The following NCAPH2 variants were observed in gnomAD, a reference collection of about 807,000 sequenced individuals.
NCAPH2 encodes the protein condensin-2 complex subunit H2.
A neutral mutation model predicts 88.6 loss-of-function variants in NCAPH2; 56 were observed. The ratio of observed to expected loss-of-function variants is 0.63; its 90% CI spans 0.51 to 0.79. The LOEUF is 0.79. NCAPH2 is among the 30% of genes least tolerant of loss of function. The pLI, the probability that NCAPH2 is intolerant of heterozygous loss-of-function variation, is 0.00. For synonymous variants in NCAPH2, 378 were observed against 313.6 expected, an observed-to-expected ratio of 1.21 and a Z score of -2.17; for missense variants, 794 against 792.0, an observed-to-expected ratio of 1.00 and a Z score of -0.03.
chr22:50,512,801 C>T (rs2068820794), intron 1 of NCAPH2, among the ~76,000 whole-genome samples: 1 of 152,150 alleles, frequency 6.6e-6, no homozygotes, highest in Non-Finnish European at 1.5e-5. Flanking sequence ...CTGCCTTGGC[C>T]TCCCAGAGTG....
intron 7 of NCAPH2, 29 bp from the exon 8 acceptor site, chr22:50,518,620 T>C (rs1348586749): frequency 6.3e-7 from 1 of 1,577,074 alleles, no homozygotes; most frequent in Non-Finnish European, 8.6e-7. Context: ...GGGGCTGGGC[T>C]GACCTTGTCT....
Position 50,524,594 on chromosome 22 carries a change from T to G in NCAPH2, c.*1219T>G, listed in dbSNP as rs774130346. The G allele has an allele frequency of 1.4e-6, 1 of 723,920 alleles. No homozygotes were observed. The highest frequency in any genetic ancestry group is 2.7e-5 in the East Asian group (1 of 36,892). 44.8% of individuals were successfully genotyped at this position (723,920 alleles called of 1,614,324 possible). Reference sequence around the variant, plus strand: ...CTCAGAACTCCACCTCCACCAAACATCCACACCTGGGCAACCACACCTGTC... The same window carrying G: ...CTCAGAACTCCACCTCCACCAAACAGCCACACCTGGGCAACCACACCTGTC... On this transcript the variant is annotated 3_prime_UTR_variant, in exon 20 of 20. Transcript: ENST00000420993.
Position 50,524,217 on chromosome 22 carries a change from G to C in NCAPH2, c.*842G>C, listed in dbSNP as rs765629884. The C allele has an allele frequency of 2.7e-5, 44 of 1,608,068 alleles. No individual in the cohort carries two copies. Among genetic ancestry groups the C allele is most frequent in the Non-Finnish European group, 3.7e-5 (44 of 1,179,914 alleles). On this transcript the variant is annotated 3_prime_UTR_variant, in exon 20 of 20. Transcript: ENST00000420993. ...CCCCACCGAGTCCAGCCCCGAACAG[G>C]CCTGTGATCAGCAGCCGGGTTCGAA...
At chr22:50,512,555 TTG>T (rs1491173619) in intron 1 of NCAPH2, among the ~76,000 whole-genome samples, 8 of 137,334 alleles carry the variant, frequency 5.8e-5, no homozygotes, top group Admixed American at 1.5e-4. Flanking sequence ...TTTTTTTTTT[TTG>T]TTTTTTTTTT....
At chr22:50,516,689 C>T in intron 2 of NCAPH2, 141 bp downstream of exon 2, 2 of 670,998 alleles carry the variant, frequency 3.0e-6, no homozygotes, top group Non-Finnish European at 5.2e-6. Context: ...TTCCTCAGCA[C>T]CTTCCAACAC....
At chr22:50,513,464 A>T (rs2068840127) in intron 1 of NCAPH2, among the ~76,000 whole-genome samples, 1 of 152,158 alleles carries the variant, frequency 6.6e-6, no homozygotes, top group African/African-American at 2.4e-5. Context: ...CACGCCTGTG[A>T]TCCCAGCACT....
intron 1 of NCAPH2, among the ~76,000 whole-genome samples, chr22:50,513,188 G>A (rs1487407032): frequency 1.3e-5 from 2 of 152,274 alleles, no homozygotes; most frequent in Admixed American, 1.3e-4. Flanking sequence ...TGGCAGATCA[G>A]AATCCAGCCT....
intron 7 of NCAPH2, 39 bp from the exon 8 acceptor site, chr22:50,518,610 G>GGGGCT (rs1569520708): frequency 6.4e-7 from 1 of 1,559,566 alleles, no homozygotes; most frequent in Admixed American, 1.9e-5. Context: ...ATCTTGGAGA[G>GGGGCT]GGGCTGGGCT....
At position 50,511,587 on chromosome 22, in the gene NCAPH2, G is replaced by C. The variant is rs747324778; in HGVS notation, c.108+3142G>C. On this transcript the variant is annotated intron_variant, in intron 1 of 19. Coordinates refer to ENST00000420993, the MANE Select transcript of NCAPH2 (RefSeq NM_152299.4). The stretch of plus-strand genomic sequence containing the variant: ...ATTACAGGCCTGAGCCACCGCGTCC[G>C]ATCCTGCCTCAGCCTCTTGAGTAGC... Among the ~76,000 whole-genome samples, 4 of 141,734 alleles carry C rather than the reference G, an allele frequency of 2.8e-5. 1 individual carries two copies. Among genetic ancestry groups the C allele is most frequent in the African/African-American group, 9.1e-5 (3 of 33,026 alleles). The allele number at this position is 141,734 out of a possible 152,430, so 93.0% of individuals were successfully genotyped here.
rs974825185 is a variant in NCAPH2 at position 50,521,547 on chromosome 22, C to T, written c.938C>T (p.Thr313Ile). 3 of 1,613,572 alleles carry T rather than the reference C, an allele frequency of 1.9e-6. No individual in the cohort carries two copies. Among genetic ancestry groups the T allele is most frequent in the Non-Finnish European group, 2.5e-6 (3 of 1,180,006 alleles). Residue 313 changes from threonine to isoleucine, a missense_variant, in exon 11 of 20, where the codon ACT (threonine) becomes ATT (isoleucine). This residue lies in a region of NCAPH2 where 735 missense variants were observed against 696.3 expected (regional missense o/e 1.06). Coordinates refer to ENST00000420993, the MANE Select transcript of NCAPH2 (RefSeq NM_152299.4). ...APEPASCVKETPDPWQSLDPF... is the reference protein window; with the variant it reads ...APEPASCVKEIPDPWQSLDPF... ...CTTCTTGTGCTCTGTGCCCAGGAGA[C>T]TCCAGACCCCTGGCAGAGCCTGGAC... is the stretch of plus-strand genomic sequence containing the variant.
At position 50,524,201 on chromosome 22, in the gene NCAPH2, G is replaced by C; in HGVS notation, c.*826G>C. 6.2e-7 allele frequency: 1 copy of C among 1,608,566 alleles called. No individual in the cohort carries two copies. Among genetic ancestry groups the C allele is most frequent in the Non-Finnish European group, 8.5e-7 (1 of 1,179,926 alleles). On this transcript the variant is annotated 3_prime_UTR_variant, in exon 20 of 20. Transcript: ENST00000420993. ...CTCAGGGCCAGCCAGGCCCCACCGA[G>C]TCCAGCCCCGAACAGGCCTGTGATC...
chr22:50,520,821 C>T (rs1196088593), intron 9 of NCAPH2, 144 bp from the exon 10 acceptor site: 1 of 898,630 alleles, frequency 1.1e-6, no homozygotes, highest in African/African-American at 1.7e-5. Context: ...CCTTGGCCTC[C>T]CAAAGTGCTG....
intron 1 of NCAPH2, among the ~76,000 whole-genome samples, chr22:50,510,223 T>C (rs11091003): frequency 0.041 from 6,291 of 151,996 alleles, 434 homozygotes; most frequent in African/African-American, 0.14. Context: ...GCCCGGCCTC[T>C]TTTTTGTTTT....
At position 50,522,744 on chromosome 22, in the gene NCAPH2, G is replaced by A. The variant is rs200623848; in HGVS notation, c.1425+24G>A. 2.9e-3 allele frequency: 4,679 copies of A among 1,598,458 alleles called. 11 individuals carry two copies. Among genetic ancestry groups the A allele is most frequent in the Non-Finnish European group, 3.6e-3 (4,216 of 1,167,408 alleles). The stretch of plus-strand genomic sequence containing the variant: ...TGGTAGGCCTGGGTTAGAGGGAGAC[G>A]GGGAGGGGAGGGGGACAGGTGAGCG... On this transcript the variant is annotated intron_variant, in intron 17 of 19. Coordinates refer to ENST00000420993, the MANE Select transcript of NCAPH2 (RefSeq NM_152299.4).
At position 50,523,476 on chromosome 22, in the gene NCAPH2, T is replaced by A; in HGVS notation, c.*101T>A. 1 of 1,531,472 alleles carries A rather than the reference T, an allele frequency of 6.5e-7. No individual in the cohort carries two copies. The highest frequency in any genetic ancestry group is 2.0e-5 in the Admixed American group (1 of 50,436). The allele number at this position is 1,531,472 out of a possible 1,614,324, so 94.9% of individuals were successfully genotyped here. ...ATAAAGCAGTGTTGCCATCTCATCT[T>A]CCCCCTAAAAACCCTTTTATGTACA... On this transcript the variant is annotated 3_prime_UTR_variant, in exon 20 of 20. Transcript: ENST00000420993.
chr22:50,519,290 G>A lies in NCAPH2; in HGVS notation c.831G>A (p.Leu277=), dbSNP rs1389529692. The A allele has an allele frequency of 3.7e-6, 6 of 1,607,222 alleles. No individual in the cohort carries two copies. The highest frequency in any genetic ancestry group is 5.1e-6 in the Non-Finnish European group (6 of 1,177,554). ...AGGCCTCGGCCCCCAAGGCCGCTCT[G>A]GAGCCCAAGGAGTCCAGGAGCCCGC... ...LPEASAPKAA[L]EPKESRSPQQ... The change falls in exon 9 of 20, where the codon CTG becomes CTA. Residue 277 remains leucine, a synonymous_variant. Transcript: ENST00000420993.
intron 6 of NCAPH2, 22 bp from the exon 7 acceptor site, chr22:50,518,111 A>C: frequency 6.2e-7 from 1 of 1,613,872 alleles, no homozygotes; most frequent in South Asian, 1.1e-5. Context: ...TCTCTACAGC[A>C]GGCGTGTTTT....
Position 50,519,191 on chromosome 22 carries a change from C to A in NCAPH2, c.732C>A (p.Gly244=). Residue 244 remains glycine (G), a splice_region_variant and synonymous_variant, in exon 9 of 20, where the codon GGC becomes GGA. Coordinates refer to ENST00000420993, the MANE Select transcript of NCAPH2 (RefSeq NM_152299.4). ...ATCACTCTCTTGCTCCCTGCCTAGG[C>A]CCCTCTCCAGAAGGCCCGATGCCCC... ...VPALGFSQEP[G]PSPEGPMPLG... The A allele has an allele frequency of 6.2e-7, 1 of 1,607,374 alleles. No homozygotes were observed. Among genetic ancestry groups the A allele is most frequent in the South Asian group, 1.1e-5 (1 of 89,860 alleles).
intron 9 of NCAPH2, chr22:50,519,666 T>C: frequency 8.8e-7 from 1 of 1,134,840 alleles, no homozygotes; most frequent in Non-Finnish European, 1.1e-6. Flanking sequence ...AGGCCATTGC[T>C]GCCTCCCTCA....
Sources: allele counts gnomAD v4.1 joint callset (sites outside exome capture counted in the v4.1 genomes callset), GRCh38; gene constraint gnomAD v4.1.1; regional missense constraint gnomAD v4.1.1; transcripts MANE v1.5; gene names NCBI Gene and HGNC (gene_info 2026-07-23, HGNC 2026-07-21).